DST: variants seen among roughly 807,000 people sequenced by gnomAD.
The protein encoded by DST is dystonin.
In DST, 253 loss-of-function variants were observed where a neutral mutation model predicts 875.2. The ratio of observed to expected loss-of-function variants is 0.29; its 90% CI spans 0.26 to 0.32. The LOEUF (loss-of-function observed/expected upper bound fraction) is 0.32, where lower values mean the gene tolerates loss of function less well. Among genes scored for constraint, DST ranks in the 10% least tolerant of loss-of-function variants. The pLI is 1.00. For missense variants in DST, 8,287 were observed against 9,111.6 expected (o/e 0.91, Z 3.68); for synonymous variants, 3,124 against 3,197.1 (o/e 0.98, Z 0.77).
chr6:56,891,246 A>G (rs1410945971), intron 3 of DST, among the ~76,000 whole-genome samples: 1 of 152,218 alleles, frequency 6.6e-6, no homozygotes, highest in Non-Finnish European at 1.5e-5. Context: ...GACAACTGAC[A>G]GGAGATGCAG....
chr6:56,815,173 G>A (rs1178514771), intron 4 of DST, among the ~76,000 whole-genome samples: 2 of 152,142 alleles, frequency 1.3e-5, no homozygotes, highest in African/African-American at 4.8e-5. Flanking sequence ...ACAGTATCTG[G>A]CAAGCAGAAA....
chr6:56,703,428 T>C lies in DST; in HGVS notation c.876+220A>G, dbSNP rs548383630. 3.9e-5 allele frequency among the ~76,000 whole-genome samples: 6 copies of C among 152,330 alleles called. No homozygotes were observed. The South Asian group carries it at 1.0e-3, about 26-fold the overall frequency. On this transcript the variant is annotated intron_variant, in intron 7 of 103. Coordinates refer to ENST00000680361, the MANE Select transcript of DST (RefSeq NM_001374736.1). ...AATTACCATGCAGTGCACAGTAATG[T>C]ATAAATAATTCAATCATTTTAGCTC... is the stretch of plus-strand genomic sequence containing the variant.
At chr6:56,636,388 GTATACGTATGTGTGTATATA>G (rs1428958165) in intron 23 of DST, among the ~76,000 whole-genome samples, 149 bp downstream of exon 23, 1 of 149,008 alleles carries the variant, frequency 6.7e-6, no homozygotes, top group Non-Finnish European at 1.5e-5. Context: ...ACATATATGT[GTATACGTATGTGTGTATATA>G]TATACACACA....
rs1362962801 is a variant in DST, at chr6:56,627,194, A to C, written c.4722+10T>G. 6.3e-7 allele frequency: 1 copy of C among 1,595,262 alleles called. No homozygotes were observed. Among genetic ancestry groups the C allele is most frequent in the Non-Finnish European group, 8.6e-7 (1 of 1,164,290 alleles). Reference sequence around the variant, plus strand: ...TATTAAATTTTACTAAAGTTAATGAATCTTCCTACCTTCACTGTAGCTGAG... The same window carrying C: ...TATTAAATTTTACTAAAGTTAATGACTCTTCCTACCTTCACTGTAGCTGAG... On this transcript the variant is annotated intron_variant, in intron 34 of 103. Transcript: ENST00000680361.
chr6:56,660,510 C>T (rs1272929165), intron 10 of DST, among the ~76,000 whole-genome samples: 5 of 151,604 alleles, frequency 3.3e-5, no homozygotes, highest in Non-Finnish European at 7.4e-5. Flanking sequence ...GAGAAGTTAC[C>T]GTAACAAATT....
At chr6:56,805,181 T>C (rs534819650) in intron 4 of DST, among the ~76,000 whole-genome samples, 1 of 152,290 alleles carries the variant, frequency 6.6e-6, no homozygotes, top group South Asian at 2.1e-4. Context: ...AACTGAATCA[T>C]CTGGGACTGG....
At chr6:56,805,222 T>C (rs1311708560) in intron 4 of DST, among the ~76,000 whole-genome samples, 1 of 152,140 alleles carries the variant, frequency 6.6e-6, no homozygotes, top group African/African-American at 2.4e-5. Context: ...AGAGTTTTGA[T>C]TTCCTATGTG....
At chr6:56,784,007 A>T (rs1226811934) in intron 4 of DST, among the ~76,000 whole-genome samples, 1 of 152,080 alleles carries the variant, frequency 6.6e-6, no homozygotes, top group African/African-American at 2.4e-5. Context: ...TGGATATGAA[A>T]TTCTGGGTTG....
chr6:56,824,517 TGAG>T (rs1383268943), intron 4 of DST, among the ~76,000 whole-genome samples: 3 of 149,824 alleles, frequency 2.0e-5, no homozygotes, highest in Non-Finnish European at 4.4e-5. Flanking sequence ...GTCTGGAAAG[TGAG>T]GAGCGTCTCT....
At chr6:56,887,420 A>C (rs1426640386) in intron 3 of DST, among the ~76,000 whole-genome samples, 1 of 152,206 alleles carries the variant, frequency 6.6e-6, no homozygotes, top group Non-Finnish European at 1.5e-5. Context: ...TTCTGAGGTA[A>C]GCTATGGCTG....
chr6:56,860,877 T>C (rs1770781173), intron 3 of DST, among the ~76,000 whole-genome samples: 1 of 152,212 alleles, frequency 6.6e-6, no homozygotes. Context: ...TAAACCTCCT[T>C]TGAGATGTCC....
chr6:56,842,375 A>G (rs994562766), intron 4 of DST, among the ~76,000 whole-genome samples: 14 of 152,222 alleles, frequency 9.2e-5, no homozygotes, highest in African/African-American at 3.1e-4. Context: ...GACAGCTGCA[A>G]TTTGTATTTC....
At chr6:56,870,362 G>C (rs1195794532) in intron 3 of DST, among the ~76,000 whole-genome samples, 1 of 149,444 alleles carries the variant, frequency 6.7e-6, no homozygotes, top group Non-Finnish European at 1.5e-5. Context: ...AGCCAGCAAA[G>C]GCAACCCCCT....
chr6:56,539,723 C>A (rs1018940364), intron 61 of DST, among the ~76,000 whole-genome samples: 2 of 152,136 alleles, frequency 1.3e-5, no homozygotes, highest in African/African-American at 4.8e-5. Flanking sequence ...ACCTCATTCA[C>A]CACTCACAAA....
At chr6:56,594,229 G>A (rs1419825852) in intron 47 of DST, 36 bp from the exon 48 acceptor site, 1 of 1,487,190 alleles carries the variant, frequency 6.7e-7, no homozygotes, top group Non-Finnish European at 8.9e-7. Flanking sequence ...TCTTCAAGCA[G>A]TAACGGGGTA....
intron 12 of DST, 120 bp from the exon 13 acceptor site, chr6:56,648,809 A>G: frequency 4.8e-6 from 4 of 825,952 alleles, no homozygotes; most frequent in Non-Finnish European, 7.2e-6. Flanking sequence ...AGACAGAACC[A>G]GCTAAATGTT....
intron 4 of DST, among the ~76,000 whole-genome samples, chr6:56,802,206 C>T (rs938420116): frequency 7.9e-5 from 12 of 152,112 alleles, no homozygotes; most frequent in Non-Finnish European, 1.3e-4. Context: ...ATGGAATTAA[C>T]AATATGAGTA....
At chr6:56,724,834 G>A (rs2099441689) in intron 5 of DST, among the ~76,000 whole-genome samples, 1 of 152,050 alleles carries the variant, frequency 6.6e-6, no homozygotes, top group Non-Finnish European at 1.5e-5. Context: ...TCAATATATA[G>A]GCAATATTAT....
At position 56,529,497 on chromosome 6, in the gene DST, A is replaced by C; in HGVS notation, c.17546T>G (p.Val5849Gly). Residue 5849 changes from valine to glycine, a missense_variant, in exon 66 of 104, where the codon GTC becomes GGC. Around this residue, in one of 10 missense-constraint regions of DST, gnomAD observed 777 missense variants for 764.8 expected, o/e 1.02. Transcript: ENST00000680361. The part of the protein sequence containing the change: ...EVHDKLSKLS[V>G]QDYSTEGLWK... ...TAGCCCCTCAGTGCTGTAATCCTGG[A>C]CTGAGAGCTTGCTCAGTTTGTCATG... 4 of 1,608,424 alleles carry C rather than the reference A, an allele frequency of 2.5e-6. No individual in the cohort carries two copies. Among genetic ancestry groups the C allele is most frequent in the Non-Finnish European group, 3.4e-6 (4 of 1,176,930 alleles).
Sources: allele counts gnomAD v4.1 joint callset (sites outside exome capture counted in the v4.1 genomes callset), GRCh38; gene constraint gnomAD v4.1.1; regional missense constraint gnomAD v4.1.1; transcripts MANE v1.5; gene names NCBI Gene and HGNC (gene_info 2026-07-23, HGNC 2026-07-21).